DEPDC1B: variants seen among roughly 807,000 people sequenced by gnomAD.
DEPDC1B encodes the protein DEP domain-containing protein 1B.
A neutral mutation model predicts 66.5 loss-of-function variants in DEPDC1B; 51 were observed. That is an observed-to-expected ratio of 0.77 (90% CI 0.61 to 0.97). The LOEUF (loss-of-function observed/expected upper bound fraction) is 0.97. Ranked by LOEUF, DEPDC1B falls within the 50% of genes least tolerant of loss-of-function variation. The probability of loss-of-function intolerance (pLI) is 0.00; values close to 1 mark genes in which losing one functional copy is unlikely to be tolerated. For missense variants in DEPDC1B, 552 were observed against 637.1 expected (o/e 0.87, Z 1.44); for synonymous variants, 226 against 223.6 (o/e 1.01, Z -0.10).
chr5:60,692,369 T>C (rs1485932550), intron 1 of DEPDC1B, among the ~76,000 whole-genome samples: 3 of 152,232 alleles, frequency 2.0e-5, no homozygotes, highest in Non-Finnish European at 2.9e-5. Context: ...ATGGATATGG[T>C]AATTAGCTTG....
intron 1 of DEPDC1B, among the ~76,000 whole-genome samples, chr5:60,697,407 A>T (rs1754682134): frequency 6.6e-6 from 1 of 152,190 alleles, no homozygotes; most frequent in Admixed American, 6.5e-5. Flanking sequence ...CCCTGAAGAA[A>T]GTTTAGAATG....
intron 9 of DEPDC1B, among the ~76,000 whole-genome samples, chr5:60,603,152 G>A (rs1310202231): frequency 2.6e-5 from 4 of 152,116 alleles, no homozygotes; most frequent in African/African-American, 9.7e-5. Flanking sequence ...CTCATTCAAG[G>A]AATTAGCAAT....
At chr5:60,687,481 A>C (rs570244437) in intron 1 of DEPDC1B, among the ~76,000 whole-genome samples, 16 of 152,046 alleles carry the variant, frequency 1.1e-4, no homozygotes, top group Non-Finnish European at 2.2e-4. Context: ...AAAACAGTTA[A>C]AATAGTTTTA....
chr5:60,628,016 T>C (rs956451336), intron 7 of DEPDC1B, among the ~76,000 whole-genome samples: 1 of 152,154 alleles, frequency 6.6e-6, no homozygotes, highest in Non-Finnish European at 1.5e-5. Flanking sequence ...AAAAAGAGCA[T>C]AAACAATCCA....
chr5:60,681,786 A>T (rs998849502), intron 2 of DEPDC1B, among the ~76,000 whole-genome samples: 1 of 148,836 alleles, frequency 6.7e-6, no homozygotes, highest in Non-Finnish European at 1.5e-5. Context: ...CTGAATTATA[A>T]TTTTTTTTTT....
intron 7 of DEPDC1B, among the ~76,000 whole-genome samples, chr5:60,624,610 C>T (rs968240467): frequency 1.3e-5 from 2 of 152,168 alleles, no homozygotes; most frequent in Non-Finnish European, 1.5e-5. Context: ...AGTAAGCCAT[C>T]TGGACCTGGA....
chr5:60,617,814 C>A, intron 7 of DEPDC1B, among the ~76,000 whole-genome samples: 1 of 152,210 alleles, frequency 6.6e-6, no homozygotes, highest in East Asian at 1.9e-4. Flanking sequence ...GAACTCTCCA[C>A]CCCAAAGCAA....
intron 2 of DEPDC1B, among the ~76,000 whole-genome samples, chr5:60,684,681 G>A (rs934867963): frequency 1.3e-5 from 2 of 152,098 alleles, no homozygotes; most frequent in African/African-American, 4.8e-5. Flanking sequence ...ACTGATCTAG[G>A]CAAAGACTTT....
chr5:60,663,966 C>G (rs989460992), intron 2 of DEPDC1B, among the ~76,000 whole-genome samples: 1 of 152,240 alleles, frequency 6.6e-6, no homozygotes, highest in Non-Finnish European at 1.5e-5. Flanking sequence ...TTAAGAGGTT[C>G]CTTGGCATAA....
In DEPDC1B at chr5:60,676,594, C is replaced by T. The variant is rs145945979; in HGVS notation, c.314+10368G>A. Among the ~76,000 whole-genome samples the T allele has an allele frequency of 7.9e-5, 12 of 152,328 alleles. No individual in the cohort carries two copies. In the East Asian group the frequency reaches 2.3e-3, roughly 29 times the overall value. ...CTGTTCCAGCCGGGTCATCCTCCTC[C>T]CTTTTCTCCCAGGAAGCTTATTTGT... is the stretch of plus-strand genomic sequence containing the variant. On this transcript the variant is annotated intron_variant, in intron 2 of 10. Coordinates refer to ENST00000265036, the MANE Select transcript of DEPDC1B (RefSeq NM_018369.3).
chr5:60,681,652 C>CA (rs761518600), intron 2 of DEPDC1B, among the ~76,000 whole-genome samples: 1 of 151,858 alleles, frequency 6.6e-6, no homozygotes, highest in Non-Finnish European at 1.5e-5. Context: ...ATTAACATCT[C>CA]AAAGAAAAGG....
chr5:60,650,765 T>C (rs576272902), intron 2 of DEPDC1B, among the ~76,000 whole-genome samples: 19 of 152,326 alleles, frequency 1.2e-4, no homozygotes, highest in African/African-American at 4.6e-4. Flanking sequence ...CAAAGGTGTT[T>C]ACAATCATAC....
chr5:60,674,108 C>A (rs1276009692), intron 2 of DEPDC1B, among the ~76,000 whole-genome samples: 1 of 150,946 alleles, frequency 6.6e-6, no homozygotes, highest in Non-Finnish European at 1.5e-5. Flanking sequence ...AGCAAAGAAA[C>A]CTGGGTAAGG....
intron 2 of DEPDC1B, among the ~76,000 whole-genome samples, chr5:60,657,255 T>A (rs2111926109): frequency 6.6e-6 from 1 of 152,388 alleles, no homozygotes; most frequent in African/African-American, 2.4e-5. Flanking sequence ...TGCCACATTC[T>A]GTATCTTTTA....
rs1233439709 is a variant in DEPDC1B at position 60,688,421 on chromosome 5, CA to C, written c.49-1195del. On this transcript the variant is annotated intron_variant, in intron 1 of 10. Coordinates refer to ENST00000265036, the MANE Select transcript of DEPDC1B (RefSeq NM_018369.3). ...TTGAGAGGCCTATTCTACAACAGAC[CA>C]GCAGGGCAAACTGACTCATTGCTAG... Among the ~76,000 whole-genome samples the C allele has an allele frequency of 2.0e-5, 3 of 152,066 alleles. No individual in the cohort carries two copies. In the East Asian group the frequency reaches 5.8e-4, roughly 29 times the overall value.
chr5:60,678,807 C>T (rs1008941378), intron 2 of DEPDC1B, among the ~76,000 whole-genome samples: 1 of 152,214 alleles, frequency 6.6e-6, no homozygotes, highest in Non-Finnish European at 1.5e-5. Flanking sequence ...TCCACTGTCA[C>T]ATATGTGGTT....
chr5:60,687,009 C>T lies in DEPDC1B; in HGVS notation c.267G>A (p.Lys89=), dbSNP rs1754428721. ...FLKNHVIEDI[K]GKWGEEDFED... is the part of the protein sequence containing the mutation. ...CAAAATCTTCCTCACCCCATTTTCC[C>T]TTGATGTCTTCAATAACGTGATTCT... is the stretch of plus-strand genomic sequence containing the variant. Residue 89 remains lysine (K), a synonymous_variant, in exon 2 of 11, where the codon AAG becomes AAA. Coordinates refer to ENST00000265036, the MANE Select transcript of DEPDC1B (RefSeq NM_018369.3). 1.9e-6 allele frequency: 3 copies of T among 1,614,102 alleles called. No individual in the cohort carries two copies. The highest frequency in any genetic ancestry group is 2.7e-5 in the African/African-American group (2 of 74,942).
At chr5:60,658,706 A>T (rs1753635569) in intron 2 of DEPDC1B, among the ~76,000 whole-genome samples, 1 of 152,226 alleles carries the variant, frequency 6.6e-6, no homozygotes, top group Non-Finnish European at 1.5e-5. Flanking sequence ...GCACAGGGGG[A>T]GGGACAATGA....
At chr5:60,647,232 G>T (rs1023058873) in intron 3 of DEPDC1B, among the ~76,000 whole-genome samples, 166 bp downstream of exon 3, 2 of 152,042 alleles carry the variant, frequency 1.3e-5, no homozygotes, top group Non-Finnish European at 2.9e-5. Flanking sequence ...AACTGCAAGA[G>T]TCATTCTTTC....
Sources: allele counts gnomAD v4.1 joint callset (sites outside exome capture counted in the v4.1 genomes callset), GRCh38; gene constraint gnomAD v4.1.1; transcripts MANE v1.5; gene names NCBI Gene and HGNC (gene_info 2026-07-23, HGNC 2026-07-21).